UGT2B7: variants seen among roughly 807,000 people sequenced by gnomAD.
The protein encoded by UGT2B7 is UDP glucuronosyltransferase family 2 member B7, also known as UDP-glucuronosyltransferase 2B7.
A neutral mutation model predicts 51.9 loss-of-function variants in UGT2B7; 51 were observed. The observed-to-expected ratio is 0.98, with a 90% CI of 0.78 to 1.24. The LOEUF (loss-of-function observed/expected upper bound fraction) is 1.24, where lower values mean the gene tolerates loss of function less well. Ranked by LOEUF, UGT2B7 falls within the 50% of genes most tolerant of loss-of-function variation. The pLI is 0.00. For missense variants in UGT2B7, 727 were observed against 628.4 expected, an observed-to-expected ratio of 1.16 and a Z score of -1.68; for synonymous variants, 225 against 211.6, an observed-to-expected ratio of 1.06 and a Z score of -0.55.
intron 1 of UGT2B7, among the ~76,000 whole-genome samples, chr4:69,080,040 T>C (rs1718801704): frequency 9.6e-6 from 1 of 104,636 alleles, no homozygotes; most frequent in South Asian, 3.0e-4. Flanking sequence ...ATTCACTCTA[T>C]CAATTACTAT....
chr4:69,084,655 T>A (rs1179231178), intron 1 of UGT2B7, among the ~76,000 whole-genome samples: 1 of 151,952 alleles, frequency 6.6e-6, no homozygotes, highest in African/African-American at 2.4e-5. Context: ...GTGTGATGTA[T>A]CCCTCCATGT....
chr4:69,107,433 T>C (rs1237529610), intron 4 of UGT2B7, among the ~76,000 whole-genome samples, 171 bp downstream of exon 4: 6 of 152,210 alleles, frequency 3.9e-5, no homozygotes, highest in African/African-American at 1.4e-4. Context: ...ATTTTTGGCA[T>C]TTTATGATAT....
At chr4:69,072,585 T>G (rs1718624001) in intron 1 of UGT2B7, among the ~76,000 whole-genome samples, 1 of 152,196 alleles carries the variant, frequency 6.6e-6, no homozygotes, top group African/African-American at 2.4e-5. Flanking sequence ...TGAAGTATAT[T>G]CTTTAATAGT....
intron 1 of UGT2B7, among the ~76,000 whole-genome samples, chr4:69,089,131 C>T (rs542777811): frequency 8.4e-4 from 128 of 152,154 alleles, no homozygotes; most frequent in African/African-American, 3.0e-3. Context: ...GTTATTTCAT[C>T]ATTTTACTGA....
chr4:69,071,639 ACTCTT>A (rs1446611853), intron 1 of UGT2B7, among the ~76,000 whole-genome samples: 2 of 152,100 alleles, frequency 1.3e-5, no homozygotes, highest in African/African-American at 2.4e-5. Context: ...TTTTTATAGT[ACTCTT>A]CTCTATGAGA....
At chr4:69,092,679 T>A (rs1021134229), upstream of UGT2B7, among the ~76,000 whole-genome samples, 2 of 152,162 alleles carry the variant, frequency 1.3e-5, no homozygotes, top group Non-Finnish European at 2.9e-5. Context: ...TTTTTGGTAA[T>A]CATTTTATAG....
chr4:69,095,449 G>A (rs1334827415), upstream of UGT2B7, among the ~76,000 whole-genome samples: 1 of 152,172 alleles, frequency 6.6e-6, no homozygotes, highest in African/African-American at 2.4e-5. Context: ...CAGACCAGCC[G>A]AGTCAGTAGT....
At chr4:69,056,865 A>G (rs1718216381) in intron 1 of UGT2B7, among the ~76,000 whole-genome samples, 1 of 152,206 alleles carries the variant, frequency 6.6e-6, no homozygotes, top group Non-Finnish European at 1.5e-5. Flanking sequence ...GGAATGAAGG[A>G]AGAGAAAGAC....
chr4:69,052,276 C>T (rs1229869054), intron 1 of UGT2B7, among the ~76,000 whole-genome samples: 3 of 151,740 alleles, frequency 2.0e-5, no homozygotes, highest in African/African-American at 4.8e-5. Flanking sequence ...CCTTCCCCCC[C>T]AACAGTAGTT....
chr4:69,055,742 T>A (rs1560496942), intron 1 of UGT2B7, among the ~76,000 whole-genome samples: 2 of 152,216 alleles, frequency 1.3e-5, no homozygotes, highest in Admixed American at 1.3e-4. Flanking sequence ...CAGTTCCTGA[T>A]GAATTCCCAG....
At chr4:69,071,397 A>G (rs1718597261) in intron 1 of UGT2B7, among the ~76,000 whole-genome samples, 1 of 152,194 alleles carries the variant, frequency 6.6e-6, no homozygotes, top group Non-Finnish European at 1.5e-5. Flanking sequence ...TACCATGTGC[A>G]ACAGTTTTTA....
chr4:69,102,593 T>A (rs562005953), intron 2 of UGT2B7, among the ~76,000 whole-genome samples: 1 of 152,222 alleles, frequency 6.6e-6, no homozygotes, highest in South Asian at 2.1e-4. Flanking sequence ...CATACACACA[T>A]ATTTACACAA....
At chr4:69,064,078 A>G (rs922111875) in intron 1 of UGT2B7, among the ~76,000 whole-genome samples, 38 of 106,076 alleles carry the variant, frequency 3.6e-4, no homozygotes, top group African/African-American at 1.1e-3. Flanking sequence ...GAAAGAAAGA[A>G]AGAAAGAAAG....
At chr4:69,090,342 C>G (rs1719058316) in intron 2 of UGT2B7, among the ~76,000 whole-genome samples, 1 of 151,974 alleles carries the variant, frequency 6.6e-6, no homozygotes. Context: ...CTATGTATTC[C>G]TATGTTTTCA....
chr4:69,110,967 G>T (rs1269634141), intron 5 of UGT2B7, among the ~76,000 whole-genome samples: 2 of 152,076 alleles, frequency 1.3e-5, no homozygotes, highest in African/African-American at 4.8e-5. Context: ...AATAAGCACA[G>T]AAAATAGAGA....
At position 69,108,330 on chromosome 4, in the gene UGT2B7, G is replaced by C. The variant is rs765148488; in HGVS notation, c.1310+8G>C. ...AGTAATTAATGATCCTTCGTGAGTA[G>C]AACAATATTTTTCACTAGGTGGTAT... On this transcript the variant is annotated splice_region_variant and intron_variant, in intron 5 of 5. Coordinates refer to ENST00000305231, the MANE Select transcript of UGT2B7 (RefSeq NM_001074.4). The C allele has an allele frequency of 6.2e-7, 1 of 1,611,808 alleles. No individual in the cohort carries two copies. The highest frequency in any genetic ancestry group is 1.3e-5 in the African/African-American group (1 of 74,832).
Position 69,097,078 on chromosome 4 carries a change from A to G in UGT2B7, c.558A>G (p.Gly186=), listed in dbSNP as rs1449847549. The change falls in exon 1 of 6, where the codon GGA becomes GGG. Residue 186 remains glycine, a synonymous_variant. Coordinates refer to ENST00000305231, the MANE Select transcript of UGT2B7 (RefSeq NM_001074.4). Reference sequence around the variant, plus strand: ...ACACTTTTGAAAAGCATAGTGGAGGATTTATTTTCCCTCCTTCCTACGTAC... The same window carrying G: ...ACACTTTTGAAAAGCATAGTGGAGGGTTTATTTTCCCTCCTTCCTACGTAC... ...PGYTFEKHSG[G]FIFPPSYVPV... is the part of the protein sequence containing the mutation. 6.2e-7 allele frequency: 1 copy of G among 1,613,668 alleles called. No individual in the cohort carries two copies. Among genetic ancestry groups the G allele is most frequent in the Admixed American group, 1.7e-5 (1 of 59,966 alleles).
chr4:69,101,678 G>C (rs547322189), intron 2 of UGT2B7, among the ~76,000 whole-genome samples: 2 of 152,154 alleles, frequency 1.3e-5, no homozygotes, highest in African/African-American at 4.8e-5. Flanking sequence ...GTGGTCTGCA[G>C]AGTTAACATT....
At chr4:69,065,243 C>G (rs10025070) in intron 1 of UGT2B7, among the ~76,000 whole-genome samples, 27,717 of 152,122 alleles carry the variant, frequency 0.18, 2,829 homozygotes, top group Middle Eastern at 0.29. Flanking sequence ...CACCCACCCT[C>G]AGTCTAGGTA....
Sources: allele counts gnomAD v4.1 joint callset (sites outside exome capture counted in the v4.1 genomes callset), GRCh38; gene constraint gnomAD v4.1.1; transcripts MANE v1.5; gene names NCBI Gene and HGNC (gene_info 2026-07-23, HGNC 2026-07-21).